Variants in LARP1B observed in about 807,000 individuals in gnomAD.
The protein encoded by LARP1B is la-related protein 1B.
A neutral mutation model predicts 114.2 loss-of-function variants in LARP1B; 76 were observed. The ratio of observed to expected loss-of-function variants is 0.67; its 90% CI spans 0.55 to 0.81. LARP1B has a LOEUF of 0.81. LARP1B is among the 30% of genes least tolerant of loss of function. The pLI is 0.00. For missense variants in LARP1B, 1,014 were observed against 1,075.8 expected (o/e 0.94, Z 0.80); for synonymous variants, 345 against 348.0 (o/e 0.99, Z 0.10).
chr4:128,152,972 CCTTTTTTTT>C (rs1210613748), intron 11 of LARP1B, among the ~76,000 whole-genome samples: 8 of 132,226 alleles, frequency 6.1e-5, no homozygotes, highest in African/African-American at 2.2e-4. Context: ...TTTTGGTTTG[CCTTTTTTTT>C]TTTTTTTTTT....
In LARP1B at chr4:128,209,975, A is replaced by C; in HGVS notation, c.2667A>C (p.Thr889=). The C allele has an allele frequency of 6.2e-7, 1 of 1,614,048 alleles. No homozygotes were observed. Among genetic ancestry groups the C allele is most frequent in the Non-Finnish European group, 8.5e-7 (1 of 1,179,956 alleles). The change falls in exon 20 of 20, where the codon ACA becomes ACC. Residue 889 remains threonine (T), a synonymous_variant. Transcript: ENST00000326639. The part of the protein sequence containing the change: ...STKPPNAAKP[T]STSELQVPIN... ...AGCCACCAAATGCTGCTAAACCTAC[A>C]TCTACCAGTGAGCTTCAGGTACCAA...
chr4:128,183,811 T>C (rs1008002914), intron 15 of LARP1B, among the ~76,000 whole-genome samples: 18 of 152,346 alleles, frequency 1.2e-4, no homozygotes, highest in African/African-American at 3.1e-4. Flanking sequence ...TGGTGATTCA[T>C]AGGAGGAAGT....
chr4:128,135,287 G>T (rs1330381644), intron 11 of LARP1B, among the ~76,000 whole-genome samples: 1 of 152,060 alleles, frequency 6.6e-6, no homozygotes, highest in Non-Finnish European at 1.5e-5. Context: ...TGTTAACAAG[G>T]ATTTGGAGAA....
intron 8 of LARP1B, among the ~76,000 whole-genome samples, chr4:128,101,578 CAAA>C (rs1780343204): frequency 7.4e-6 from 1 of 134,298 alleles, no homozygotes; most frequent in Non-Finnish European, 1.5e-5. Flanking sequence ...TTTTTTTTTG[CAAA>C]ATTTGCTCTT....
chr4:128,127,076 G>T (rs1789912705), intron 11 of LARP1B, among the ~76,000 whole-genome samples: 1 of 152,142 alleles, frequency 6.6e-6, no homozygotes, highest in South Asian at 2.1e-4. Context: ...ATAGACATTG[G>T]AATGATAGCT....
At chr4:128,180,614 T>C (rs1290266763) in intron 15 of LARP1B, among the ~76,000 whole-genome samples, 3 of 152,316 alleles carry the variant, frequency 2.0e-5, no homozygotes, top group East Asian at 1.9e-4. Flanking sequence ...GAGCAGTATA[T>C]GTAGAGATCA....
intron 15 of LARP1B, among the ~76,000 whole-genome samples, chr4:128,193,921 T>A (rs1336688697): frequency 2.6e-5 from 4 of 152,158 alleles, no homozygotes; most frequent in Non-Finnish European, 5.9e-5. Flanking sequence ...CTTGGCCTCT[T>A]ACTCCTTTTA....
intron 4 of LARP1B, among the ~76,000 whole-genome samples, chr4:128,081,401 G>C (rs1993723): frequency 0.59 from 81,237 of 137,744 alleles, 24,673 homozygotes; most frequent in Middle Eastern, 0.79. Context: ...TTTTTTTTGA[G>C]ATATAGATAT....
chr4:128,063,198 G>A (rs111576538), intron 1 of LARP1B, among the ~76,000 whole-genome samples: 5,616 of 143,158 alleles, frequency 0.039, 344 homozygotes, highest in African/African-American at 0.14. Flanking sequence ...AGGCCGAGGC[G>A]GGCGGATCAC....
At chr4:128,106,253 A>C (rs1470145384) in intron 8 of LARP1B, among the ~76,000 whole-genome samples, 1 of 152,016 alleles carries the variant, frequency 6.6e-6, no homozygotes, top group Admixed American at 6.6e-5. Context: ...CAATCTCCTG[A>C]CCTCGTGATC....
chr4:128,154,452 C>G (rs1218552461), intron 11 of LARP1B, among the ~76,000 whole-genome samples: 5 of 152,158 alleles, frequency 3.3e-5, no homozygotes, highest in Non-Finnish European at 5.9e-5. Flanking sequence ...AGTTCAAATT[C>G]TTTGGCAAGC....
chr4:128,190,658 G>A (rs974835368), intron 15 of LARP1B, among the ~76,000 whole-genome samples: 4 of 152,158 alleles, frequency 2.6e-5, no homozygotes, highest in Non-Finnish European at 5.9e-5. Context: ...CTGCTGCAGT[G>A]TAAGGGTGCC....
At chr4:128,068,172 G>A (rs6848998) in intron 1 of LARP1B, among the ~76,000 whole-genome samples, 86,795 of 151,894 alleles carry the variant, frequency 0.57, 25,931 homozygotes, top group Middle Eastern at 0.8. Flanking sequence ...GAGCCACTGC[G>A]CCCGGCCAAT....
At chr4:128,169,306 T>C (rs759620984) in intron 12 of LARP1B, among the ~76,000 whole-genome samples, 8 of 152,032 alleles carry the variant, frequency 5.3e-5, no homozygotes, top group Non-Finnish European at 1.0e-4. Context: ...GAGTGGAAGC[T>C]TAGATCATTT....
chr4:128,126,875 A>G (rs1287464430), intron 11 of LARP1B, among the ~76,000 whole-genome samples: 1 of 151,870 alleles, frequency 6.6e-6, no homozygotes, highest in Non-Finnish European at 1.5e-5. Context: ...AAGGTCTAAA[A>G]TATACATTTA....
chr4:128,078,205 T>TGTAG (rs1768769451), intron 4 of LARP1B, among the ~76,000 whole-genome samples: 4 of 152,336 alleles, frequency 2.6e-5, no homozygotes, highest in Admixed American at 2.6e-4. Context: ...GAGGTACAGT[T>TGTAG]GTAGATACAT....
At chr4:128,170,485 G>A (rs1209167533) in intron 12 of LARP1B, among the ~76,000 whole-genome samples, 1 of 151,998 alleles carries the variant, frequency 6.6e-6, no homozygotes, top group Non-Finnish European at 1.5e-5. Flanking sequence ...CAGTTCTGTT[G>A]TATTTTGCTT....
At chr4:128,095,489 C>CAAAAAAA (rs11311661) in intron 7 of LARP1B, among the ~76,000 whole-genome samples, 1 of 61,298 alleles carries the variant, frequency 1.6e-5, no homozygotes, top group African/African-American at 6.0e-5. Flanking sequence ...AACTCCATCT[C>CAAAAAAA]AAAAAAAAAA....
Position 128,156,114 on chromosome 4 carries a change from G to C in LARP1B, c.1525-6080G>C, listed in dbSNP as rs977781759. On this transcript the variant is annotated intron_variant, in intron 11 of 19. Coordinates refer to ENST00000326639, the MANE Select transcript of LARP1B (RefSeq NM_018078.4). ...TCTTCACCTACCCCAGCACTCCTGA[G>C]CCCTGTGCCTCAGCTCATCACAAGA... is the stretch of plus-strand genomic sequence containing the variant. 22 of 1,609,584 alleles carry C rather than the reference G, an allele frequency of 1.4e-5. No homozygotes were observed. The Admixed American group carries it at 3.7e-4, about 27-fold the overall frequency.
Sources: allele counts gnomAD v4.1 joint callset (sites outside exome capture counted in the v4.1 genomes callset), GRCh38; gene constraint gnomAD v4.1.1; transcripts MANE v1.5; gene names NCBI Gene and HGNC (gene_info 2026-07-23, HGNC 2026-07-21).